The following IKZF1 variants were observed in gnomAD, a reference collection of about 807,000 sequenced individuals.
IKZF1 encodes IKAROS family zinc finger 1, also known as DNA-binding protein Ikaros.
IKZF1 carries 10 observed loss-of-function variants against 51.7 expected under a neutral mutation model. The ratio of observed to expected loss-of-function variants is 0.19; its 90% CI spans 0.12 to 0.33. The LOEUF is 0.33. Ranked by LOEUF, IKZF1 falls within the 10% of genes least tolerant of loss-of-function variation. IKZF1 has a pLI of 1.00. For missense variants in IKZF1, 484 were observed against 707.5 expected, an observed-to-expected ratio of 0.68 and a Z score of 3.58; for synonymous variants, 280 against 282.3, an observed-to-expected ratio of 0.99 and a Z score of 0.08.
At position 50,400,167 on chromosome 7, in the gene IKZF1, A is replaced by C. The variant is rs2153518393; in HGVS notation, c.1100A>C (p.Asp367Ala). Residue 367 changes from aspartate (D) to alanine (A), a missense_variant, in exon 8 of 8, where the codon GAC (aspartate) becomes GCC (alanine). Asp to Ala is a moderately radical substitution (Grantham distance 126). This residue lies in a region of IKZF1 where 172 missense variants were observed against 192.7 expected (regional missense o/e 0.89). Coordinates refer to ENST00000331340, the MANE Select transcript of IKZF1 (RefSeq NM_006060.6). The surrounding 1 kb of genome is among the most constrained non-coding windows in gnomAD (Gnocchi z 5.4). The stretch of plus-strand genomic sequence containing the variant: ...CCGCGCTCCAACCACTCGGCCCAGG[A>C]CAGCGCCGTGGAGAACCTGCTGCTG... ...GTPRSNHSAQ[D>A]SAVENLLLLS... The C allele has an allele frequency of 6.4e-7, 1 of 1,563,776 alleles. No individual in the cohort carries two copies. The highest frequency in any genetic ancestry group is 8.7e-7 in the Non-Finnish European group (1 of 1,155,692).
At chr7:50,318,970 G>C (rs894432148) in intron 1 of IKZF1, 78 bp from the exon 2 acceptor site, 6 of 862,958 alleles carry the variant, frequency 7.0e-6, no homozygotes, top group East Asian at 2.4e-5. Flanking sequence ...ATAGCATAGG[G>C]GTTCTTTATC....
intron 3 of IKZF1, among the ~76,000 whole-genome samples, chr7:50,363,695 G>C (rs1805947278): frequency 6.6e-6 from 1 of 152,204 alleles, no homozygotes; most frequent in African/African-American, 2.4e-5. Flanking sequence ...CCTCACTAGA[G>C]GGTGGTCTAA....
intron 3 of IKZF1, among the ~76,000 whole-genome samples, chr7:50,371,022 G>T (rs7780012): frequency 0.24 from 36,095 of 152,104 alleles, 5,178 homozygotes; most frequent in African/African-American, 0.39. Flanking sequence ...GTTCCATAGA[G>T]ACAGCATCCA....
At chr7:50,316,631 A>G (rs1176551486) in intron 1 of IKZF1, among the ~76,000 whole-genome samples, 1 of 152,270 alleles carries the variant, frequency 6.6e-6, no homozygotes, top group African/African-American at 2.4e-5. Flanking sequence ...AGGTTCCCAC[A>G]GAGCAGAGCT....
intron 1 of IKZF1, among the ~76,000 whole-genome samples, chr7:50,305,312 C>T (rs1295048992): frequency 6.6e-6 from 1 of 152,072 alleles, no homozygotes; most frequent in African/African-American, 2.4e-5. Context: ...ATGATGAGAT[C>T]GAGTCTGAAC....
At chr7:50,397,584 A>G (rs1398571113) in intron 7 of IKZF1, among the ~76,000 whole-genome samples, 1 of 152,216 alleles carries the variant, frequency 6.6e-6, no homozygotes, top group Non-Finnish European at 1.5e-5. Flanking sequence ...TTGGCTACAA[A>G]GTCCATTCCC....
chr7:50,397,025 T>C (rs1004556653), intron 7 of IKZF1, among the ~76,000 whole-genome samples: 4 of 152,250 alleles, frequency 2.6e-5, no homozygotes, highest in African/African-American at 9.6e-5. Flanking sequence ...AATGCTTTTC[T>C]GATCAGAACA....
chr7:50,305,761 G>C, intron 1 of IKZF1, among the ~76,000 whole-genome samples: 1 of 152,194 alleles, frequency 6.6e-6, no homozygotes, highest in Non-Finnish European at 1.5e-5. Context: ...AGACAAAATG[G>C]TGTTGAGGAA....
upstream of IKZF1, chr7:50,304,175 G>T (rs1298123185): frequency 6.7e-6 from 1 of 149,698 alleles, no homozygotes; most frequent in African/African-American, 2.4e-5. Flanking sequence ...AGCCCGGCGC[G>T]ATTGCAAAGT....
intron 3 of IKZF1, among the ~76,000 whole-genome samples, chr7:50,341,900 A>AT (rs1799152184): frequency 6.6e-6 from 1 of 152,026 alleles, no homozygotes; most frequent in Non-Finnish European, 1.5e-5. Context: ...CAGGAGTCAC[A>AT]TGCAGCTAGG....
At chr7:50,363,574 A>G (rs1805911720) in intron 3 of IKZF1, among the ~76,000 whole-genome samples, 1 of 152,156 alleles carries the variant, frequency 6.6e-6, no homozygotes, top group South Asian at 2.1e-4. Context: ...ACTTGATTGT[A>G]TTTTAGTTGC....
chr7:50,384,606 G>A (rs1314043725), intron 5 of IKZF1, among the ~76,000 whole-genome samples: 1 of 152,214 alleles, frequency 6.6e-6, no homozygotes, highest in Non-Finnish European at 1.5e-5. Flanking sequence ...TGTTCACATG[G>A]GTGATGAGCA....
chr7:50,369,774 T>A (rs563539886), intron 3 of IKZF1: 20 of 391,550 alleles, frequency 5.1e-5, no homozygotes, highest in Admixed American at 3.6e-4. Flanking sequence ...CTCTTTTTTT[T>A]ATTCTCTTTA....
intron 3 of IKZF1, among the ~76,000 whole-genome samples, chr7:50,353,691 CTG>C (rs1365858283): frequency 6.6e-6 from 1 of 152,236 alleles, no homozygotes; most frequent in Non-Finnish European, 1.5e-5. Context: ...GAATCTTCAA[CTG>C]TGTCCTTTTT....
At position 50,319,114 on chromosome 7, in the gene IKZF1, G is replaced by A. The variant is rs183014567; in HGVS notation, c.40+13G>A. On this transcript the variant is annotated intron_variant, in intron 2 of 7. Coordinates refer to ENST00000331340, the MANE Select transcript of IKZF1 (RefSeq NM_006060.6). ...TCCCAAGTTTCAGGTGAGACCTTAT[G>A]AGATAGCTGTGTGGGAAGTTCATGA... 1.9e-6 allele frequency: 3 copies of A among 1,612,664 alleles called. No homozygotes were observed. The East Asian group carries it at 6.7e-5, about 36-fold the overall frequency.
At chr7:50,304,526 G>T (rs867592622), upstream of IKZF1, 1 of 150,344 alleles carries the variant, frequency 6.7e-6, no homozygotes, top group Non-Finnish European at 1.5e-5. Context: ...CGCGGAGGGG[G>T]CCAGGTACGG....
intron 3 of IKZF1, chr7:50,328,910 A>T (rs989616947): frequency 6.6e-6 from 1 of 152,056 alleles, no homozygotes; most frequent in Non-Finnish European, 1.5e-5. Flanking sequence ...TGTCTCTACT[A>T]AAAATACAAA....
chr7:50,332,488 G>C (rs1478568502), intron 3 of IKZF1, among the ~76,000 whole-genome samples: 1 of 152,200 alleles, frequency 6.6e-6, no homozygotes, highest in East Asian at 1.9e-4. Flanking sequence ...GGGTGGAACA[G>C]AGGAGCAAAA....
chr7:50,307,425 C>T (rs563909321), intron 1 of IKZF1, among the ~76,000 whole-genome samples: 27 of 152,300 alleles, frequency 1.8e-4, no homozygotes, highest in Non-Finnish European at 2.9e-4. Context: ...GCTTGTCTTC[C>T]GATGCCTCTG....
Sources: gnomAD v4.1 joint callset for allele counts (sites outside exome capture counted in the v4.1 genomes callset) on GRCh38, gnomAD v4.1.1 for gene constraint, gnomAD v4.1.1 regional missense constraint, Gnocchi (gnomAD v3.1) non-coding constraint, MANE v1.5 for transcripts, NCBI Gene and HGNC (gene_info 2026-07-23, HGNC 2026-07-21) for gene names.